LDLRAD4: variants seen among roughly 807,000 people sequenced by gnomAD.
LDLRAD4 encodes the protein low-density lipoprotein receptor class A domain-containing protein 4.
Under a neutral mutation model 17.0 loss-of-function variants are expected in LDLRAD4, and 5 were observed. The ratio of observed to expected loss-of-function variants is 0.29; its 90% confidence interval spans 0.15 to 0.62. The LOEUF (loss-of-function observed/expected upper bound fraction) is 0.62, where lower values mean the gene tolerates loss of function less well. LDLRAD4 is among the 20% of genes least tolerant of loss of function. The probability of loss-of-function intolerance (pLI) is 0.84; values close to 1 mark genes in which losing one functional copy is unlikely to be tolerated. For missense variants in LDLRAD4, 340 were observed against 424.7 expected, an observed-to-expected ratio of 0.80 and a Z score of 1.75; for synonymous variants, 168 against 171.8, an observed-to-expected ratio of 0.98 and a Z score of 0.17.
intron 3 of LDLRAD4, among the ~76,000 whole-genome samples, chr18:13,442,505 C>A (rs1193297513): frequency 6.6e-6 from 1 of 152,198 alleles, no homozygotes; most frequent in African/African-American, 2.4e-5. Context: ...TGGCTGGGGC[C>A]CGCGTGGGGC....
At chr18:13,301,528 G>A (rs1252984448) in intron 1 of LDLRAD4, among the ~76,000 whole-genome samples, 2 of 152,254 alleles carry the variant, frequency 1.3e-5, no homozygotes, top group Middle Eastern at 3.4e-3. Context: ...GTGCCAGCAG[G>A]AACCGTAGGG....
At chr18:13,639,857 G>GA (rs2042376379) in intron 4 of LDLRAD4, among the ~76,000 whole-genome samples, 2 of 152,090 alleles carry the variant, frequency 1.3e-5, no homozygotes, top group Admixed American at 1.3e-4. Flanking sequence ...AATAAAGCTG[G>GA]AAAAAACTGG....
chr18:13,250,469 A>G (rs1013737606), intron 1 of LDLRAD4, among the ~76,000 whole-genome samples: 1 of 152,214 alleles, frequency 6.6e-6, no homozygotes, highest in Admixed American at 6.5e-5. Flanking sequence ...AAGAAATAAC[A>G]GTATTAACAA....
intron 1 of LDLRAD4, among the ~76,000 whole-genome samples, chr18:13,336,138 G>T (rs2082091701): frequency 6.6e-6 from 1 of 152,158 alleles, no homozygotes; most frequent in Non-Finnish European, 1.5e-5. Flanking sequence ...CGGCTCCCAG[G>T]CAGCTAACAG....
chr18:13,260,582 T>TA (rs1211383333), intron 1 of LDLRAD4, among the ~76,000 whole-genome samples: 1 of 152,240 alleles, frequency 6.6e-6, no homozygotes, highest in Non-Finnish European at 1.5e-5. Flanking sequence ...GCAGGATTCT[T>TA]GAGTGTAGCA....
chr18:13,435,962 A>G (rs188047304), intron 2 of LDLRAD4, among the ~76,000 whole-genome samples: 1 of 152,390 alleles, frequency 6.6e-6, no homozygotes, highest in Non-Finnish European at 1.5e-5. Context: ...AGGCAGTGCT[A>G]TGAGATGAGG....
At chr18:13,248,492 A>C (rs1239632367) in intron 1 of LDLRAD4, among the ~76,000 whole-genome samples, 1 of 152,234 alleles carries the variant, frequency 6.6e-6, no homozygotes, top group East Asian at 1.9e-4. Context: ...GTGATGTAGC[A>C]ATTGTGGAAT....
intron 3 of LDLRAD4, among the ~76,000 whole-genome samples, chr18:13,448,588 C>G (rs375828678): frequency 6.6e-6 from 1 of 151,254 alleles, no homozygotes; most frequent in Non-Finnish European, 1.5e-5. Flanking sequence ...CATGAAGACT[C>G]CCAGTGTAAG....
intron 2 of LDLRAD4, among the ~76,000 whole-genome samples, chr18:13,400,618 C>T (rs1374401459): frequency 6.6e-6 from 1 of 152,260 alleles, no homozygotes; most frequent in African/African-American, 2.4e-5. Context: ...GGAGAGGAAC[C>T]GGGGCAGTGA....
chr18:13,475,465 T>G (rs1433236366), intron 3 of LDLRAD4, among the ~76,000 whole-genome samples: 1 of 146,466 alleles, frequency 6.8e-6, no homozygotes, highest in Non-Finnish European at 1.5e-5. Flanking sequence ...AGGTTCTTGC[T>G]GTGTTGGCCA....
rs1403650722 is a variant in LDLRAD4 at position 13,539,180 on chromosome 18, T to A, written c.182-81937T>A. The stretch of plus-strand genomic sequence containing the variant: ...CTTGTTAGGAAATCATCTTTATGCC[T>A]TCCCTGCAATGCTTTATTTCGAGAC... On this transcript the variant is annotated intron_variant, in intron 3 of 5. Coordinates refer to ENST00000359446, the Ensembl canonical transcript of LDLRAD4. Among the ~76,000 whole-genome samples the A allele has an allele frequency of 2.0e-5, 3 of 152,194 alleles. No homozygotes were observed. The South Asian group carries it at 6.2e-4, about 31-fold the overall frequency.
intron 3 of LDLRAD4, among the ~76,000 whole-genome samples, chr18:13,565,833 A>T (rs1290919117): frequency 6.6e-6 from 1 of 152,214 alleles, no homozygotes; most frequent in Non-Finnish European, 1.5e-5. Context: ...GGGGTCGCAC[A>T]TTTTGGACGG....
At chr18:13,452,524 C>G (rs1353248276) in intron 3 of LDLRAD4, among the ~76,000 whole-genome samples, 1 of 152,054 alleles carries the variant, frequency 6.6e-6, no homozygotes, top group Non-Finnish European at 1.5e-5. Context: ...AACTCCAGTG[C>G]ACAGGAGGAG....
intron 3 of LDLRAD4, among the ~76,000 whole-genome samples, chr18:13,524,015 T>C (rs1469858678): frequency 6.6e-6 from 1 of 152,212 alleles, no homozygotes; most frequent in Non-Finnish European, 1.5e-5. Flanking sequence ...ATTCACTCTG[T>C]CCCTGGAGAG....
intron 2 of LDLRAD4, among the ~76,000 whole-genome samples, chr18:13,388,473 A>G (rs575361271): frequency 6.6e-6 from 1 of 152,354 alleles, no homozygotes; most frequent in East Asian, 1.9e-4. Context: ...CATGGAATCC[A>G]GGGAGAATGT....
chr18:13,231,407 C>T (rs2042066705), intron 1 of LDLRAD4, among the ~76,000 whole-genome samples: 1 of 152,172 alleles, frequency 6.6e-6, no homozygotes, highest in Non-Finnish European at 1.5e-5. Context: ...GTCACCATTC[C>T]TCCTGATTGC....
intron 3 of LDLRAD4, among the ~76,000 whole-genome samples, chr18:13,446,212 G>A (rs1057301708): frequency 5.9e-5 from 9 of 152,160 alleles, no homozygotes; most frequent in African/African-American, 1.2e-4. Flanking sequence ...CGCTCAGGGC[G>A]GTGGGGTGAT....
chr18:13,324,404 A>T (rs1406910060), intron 1 of LDLRAD4, among the ~76,000 whole-genome samples: 1 of 152,032 alleles, frequency 6.6e-6, no homozygotes, highest in Non-Finnish European at 1.5e-5. Flanking sequence ...GGCCTCCCAA[A>T]GTGCTGGGAT....
chr18:13,249,886 A>T (rs2043147607), intron 1 of LDLRAD4, among the ~76,000 whole-genome samples: 1 of 152,182 alleles, frequency 6.6e-6, no homozygotes, highest in Non-Finnish European at 1.5e-5. Flanking sequence ...TTAGTGTCTT[A>T]CATTTAGGTC....
Sources: allele counts gnomAD v4.1 joint callset (sites outside exome capture counted in the v4.1 genomes callset), GRCh38; gene constraint gnomAD v4.1.1; transcripts MANE v1.5; gene names NCBI Gene and HGNC (gene_info 2026-07-23, HGNC 2026-07-21).